The following COL9A1 variants were observed in gnomAD, a reference collection of about 807,000 sequenced individuals.
COL9A1 encodes the protein collagen type IX alpha 1 chain.
Under a neutral mutation model 142.6 loss-of-function variants are expected in COL9A1, and 104 were observed. The ratio of observed to expected loss-of-function variants is 0.73; its 90% CI spans 0.62 to 0.86. The LOEUF is 0.86. Ranked by LOEUF, COL9A1 falls within the 40% of genes least tolerant of loss-of-function variation. The pLI is 0.00. For missense variants in COL9A1, 1,210 were observed against 1,176.6 expected, an observed-to-expected ratio of 1.03 and a Z score of -0.42; for synonymous variants, 466 against 396.0, an observed-to-expected ratio of 1.18 and a Z score of -2.10.
chr6:70,274,126 G>A, intron 11 of COL9A1, 44 bp from the exon 12 acceptor site: 1 of 1,461,634 alleles, frequency 6.8e-7, no homozygotes, highest in South Asian at 1.2e-5. Context: ...TTCATATCAT[G>A]AATATGTAAA....
chr6:70,294,052 C>T (rs1405366924), intron 5 of COL9A1, 115 bp downstream of exon 5: 1 of 1,416,194 alleles, frequency 7.1e-7, no homozygotes, highest in Admixed American at 1.7e-5. Context: ...TCCTCTGATT[C>T]CAAATTCCAT....
chr6:70,248,681 T>C (rs1056133334), intron 28 of COL9A1, among the ~76,000 whole-genome samples: 1 of 152,182 alleles, frequency 6.6e-6, no homozygotes, highest in African/African-American at 2.4e-5. Context: ...AGAAGTCAGT[T>C]ATTACCAACA....
Position 70,300,522 on chromosome 6 carries a change from T to G in COL9A1, c.89-136A>C, listed in dbSNP as rs866264642. The G allele has an allele frequency of 7.9e-5, 29 of 364,978 alleles. 1 individual carries two copies. Among genetic ancestry groups the G allele is most frequent in the African/African-American group, 5.6e-4 (26 of 46,280 alleles). The allele number at this position is 364,978 out of a possible 1,614,324, so 22.6% of individuals were successfully genotyped here. ...TAGCAATTGACCACAAAAAAAAGATTTCAGGATGTATCAATAATAATAAAT... is the reference window on the plus strand; with the variant it reads ...TAGCAATTGACCACAAAAAAAAGATGTCAGGATGTATCAATAATAATAAAT... On this transcript the variant is annotated intron_variant, in intron 2 of 37. Transcript: ENST00000357250.
intron 5 of COL9A1, among the ~76,000 whole-genome samples, chr6:70,286,441 C>T (rs1044994901): frequency 1.3e-5 from 2 of 152,162 alleles, no homozygotes; most frequent in South Asian, 2.1e-4. Context: ...ATGTTAATGG[C>T]TATGAAACTT....
chr6:70,254,785 T>C (rs566728502), intron 24 of COL9A1, 178 bp downstream of exon 24: 2 of 716,022 alleles, frequency 2.8e-6, no homozygotes, highest in African/African-American at 1.8e-5. Flanking sequence ...ACCAAGCAAA[T>C]AATTATACTA....
At chr6:70,270,230 T>A in intron 15 of COL9A1, 84 bp downstream of exon 15, 4 of 1,369,302 alleles carry the variant, frequency 2.9e-6, no homozygotes, top group Non-Finnish European at 4.2e-6. Flanking sequence ...ACTCAATTAA[T>A]AGGAACTTCC....
chr6:70,216,732 C>T lies in COL9A1; in HGVS notation c.*165G>A, dbSNP rs759272502. ...AGAGAACTTACTGAATAGCACCGTTCTTCTATATGTGATTGTCAAGTAGGA... is the reference window on the plus strand; with the variant it reads ...AGAGAACTTACTGAATAGCACCGTTTTTCTATATGTGATTGTCAAGTAGGA... On this transcript the variant is annotated 3_prime_UTR_variant, in exon 38 of 38. Coordinates refer to ENST00000357250, the MANE Select transcript of COL9A1 (RefSeq NM_001851.6). The T allele has an allele frequency of 1.4e-6, 1 of 731,542 alleles. No individual in the cohort carries two copies. The highest frequency in any genetic ancestry group is 1.8e-5 in the African/African-American group (1 of 57,092). The allele number at this position is 731,542 out of a possible 1,614,324, so 45.3% of individuals were successfully genotyped here. A position where few individuals can be genotyped will look rare whatever the true frequency, so the allele number is the denominator to read the frequency against.
intron 5 of COL9A1, among the ~76,000 whole-genome samples, chr6:70,290,892 T>C (rs748420039): frequency 6.6e-6 from 1 of 152,168 alleles, no homozygotes; most frequent in Non-Finnish European, 1.5e-5. Context: ...GGTATTTTTA[T>C]GCTATTTCAT....
At chr6:70,250,116 C>A (rs1176348754) in intron 28 of COL9A1, among the ~76,000 whole-genome samples, 1 of 144,484 alleles carries the variant, frequency 6.9e-6, no homozygotes, top group Admixed American at 6.9e-5. Flanking sequence ...CAACAATTAG[C>A]TGGGCATGGT....
Position 70,240,670 on chromosome 6 carries a change from C to T in COL9A1, c.2079+19G>A. The T allele has an allele frequency of 1.9e-6, 3 of 1,602,250 alleles. No individual in the cohort carries two copies. Among genetic ancestry groups the T allele is most frequent in the Non-Finnish European group, 2.6e-6 (3 of 1,170,988 alleles). The stretch of plus-strand genomic sequence containing the variant: ...AAATTGGTAAAGCTTCATCATTAAC[C>T]AGAAAAAAAAAATCTTACAAGTTCC... On this transcript the variant is annotated intron_variant, in intron 32 of 37. Transcript: ENST00000357250.
intron 37 of COL9A1, among the ~76,000 whole-genome samples, chr6:70,221,296 T>G (rs1446706193): frequency 6.6e-6 from 1 of 152,288 alleles, no homozygotes; most frequent in East Asian, 1.9e-4. Flanking sequence ...AAATAGGGTA[T>G]TTCATAATTA....
At chr6:70,278,530 A>G (rs1174953143) in intron 10 of COL9A1, among the ~76,000 whole-genome samples, 1 of 152,224 alleles carries the variant, frequency 6.6e-6, no homozygotes, top group Non-Finnish European at 1.5e-5. Context: ...TTTCCCCAAG[A>G]TCTAGAAAAT....
At chr6:70,290,027 C>G (rs927489073) in intron 5 of COL9A1, among the ~76,000 whole-genome samples, 1 of 152,126 alleles carries the variant, frequency 6.6e-6, no homozygotes. Flanking sequence ...TGATAATATA[C>G]TTTTTAAACC....
chr6:70,283,911 A>G, intron 5 of COL9A1, 91 bp from the exon 6 acceptor site: 1 of 914,656 alleles, frequency 1.1e-6, no homozygotes, highest in South Asian at 1.4e-5. Flanking sequence ...TAATTGTTAA[A>G]TAATTGGAAA....
chr6:70,260,969 A>G, intron 19 of COL9A1: 1 of 403,706 alleles, frequency 2.5e-6, no homozygotes, highest in South Asian at 3.5e-5. Context: ...AAAAAAAGTA[A>G]ATACCAGCAT....
At chr6:70,240,636 A>C in intron 32 of COL9A1, 53 bp downstream of exon 32, 2 of 1,288,518 alleles carry the variant, frequency 1.6e-6, no homozygotes, top group South Asian at 2.4e-5. Flanking sequence ...ATATACTTCT[A>C]ACAGTTCAAA....
At chr6:70,281,592 C>G in intron 7 of COL9A1, 128 bp from the exon 8 acceptor site, 1 of 661,822 alleles carries the variant, frequency 1.5e-6, no homozygotes, top group Non-Finnish European at 2.6e-6. Flanking sequence ...GGTTTTGCAA[C>G]CCAACGCAAA....
At chr6:70,217,260 T>C (rs980909720) in intron 37 of COL9A1, among the ~76,000 whole-genome samples, 179 bp from the exon 38 acceptor site, 2 of 152,168 alleles carry the variant, frequency 1.3e-5, no homozygotes, top group Non-Finnish European at 2.9e-5. Flanking sequence ...GATCCCTTCC[T>C]TGGACTTGGG....
At chr6:70,302,773 C>T (rs1359784734) in intron 1 of COL9A1, 138 bp downstream of exon 1, 2 of 985,270 alleles carry the variant, frequency 2.0e-6, no homozygotes, top group Non-Finnish European at 3.3e-6. Context: ...GTCTTACTCT[C>T]TCATCCGTCT....
Sources: allele counts gnomAD v4.1 joint callset (sites outside exome capture counted in the v4.1 genomes callset), GRCh38; gene constraint gnomAD v4.1.1; transcripts MANE v1.5; gene names NCBI Gene and HGNC (gene_info 2026-07-23, HGNC 2026-07-21).